CMSS1: variants seen among roughly 807,000 people sequenced by gnomAD.
The protein encoded by CMSS1 is protein CMSS1.
CMSS1 carries 33 observed loss-of-function variants against 43.5 expected under a neutral mutation model. The ratio of observed to expected loss-of-function variants is 0.76; its 90% CI spans 0.57 to 1.01. The LOEUF is 1.01. Ranked by LOEUF, CMSS1 falls within the 50% of genes least tolerant of loss-of-function variation. CMSS1 has a pLI of 0.00. For synonymous variants in CMSS1, 115 were observed against 117.2 expected (o/e 0.98, Z 0.12); for missense variants, 313 against 326.4 (o/e 0.96, Z 0.32).
At chr3:100,094,972 G>A (rs1373504776) in intron 1 of CMSS1, among the ~76,000 whole-genome samples, 3 of 152,234 alleles carry the variant, frequency 2.0e-5, no homozygotes, top group African/African-American at 7.2e-5. Flanking sequence ...ACAGGAGTGA[G>A]CCACTGCGCC....
intron 1 of CMSS1, among the ~76,000 whole-genome samples, chr3:99,967,467 T>C (rs933080431): frequency 1.3e-5 from 2 of 152,160 alleles, no homozygotes; most frequent in Admixed American, 6.5e-5. Context: ...GGAAGAAATA[T>C]GGTACATAGT....
chr3:99,994,333 C>G (rs1004327531), intron 1 of CMSS1, among the ~76,000 whole-genome samples: 1 of 152,060 alleles, frequency 6.6e-6, no homozygotes, highest in Non-Finnish European at 1.5e-5. Flanking sequence ...ATCATCAAGT[C>G]AGAAAAGTAA....
At chr3:99,935,694 C>T (rs996132863) in intron 1 of CMSS1, among the ~76,000 whole-genome samples, 6 of 152,152 alleles carry the variant, frequency 3.9e-5, no homozygotes, top group Admixed American at 2.0e-4. Context: ...CGGGATTTCC[C>T]GCTTTAGAAT....
intron 1 of CMSS1, among the ~76,000 whole-genome samples, chr3:99,865,293 G>A (rs553624853): frequency 6.6e-6 from 1 of 152,178 alleles, no homozygotes; most frequent in African/African-American, 2.4e-5. Flanking sequence ...CAGAATGCCA[G>A]TGTAGTTTTT....
intron 1 of CMSS1, among the ~76,000 whole-genome samples, chr3:100,094,402 G>GTTAC (rs2066165453): frequency 6.6e-6 from 1 of 151,980 alleles, no homozygotes; most frequent in Non-Finnish European, 1.5e-5. Flanking sequence ...CCCTTAACAG[G>GTTAC]ATCTTTCATG....
intron 1 of CMSS1, among the ~76,000 whole-genome samples, chr3:100,052,107 A>G (rs1316479464): frequency 6.6e-6 from 1 of 152,154 alleles, no homozygotes; most frequent in East Asian, 1.9e-4. Context: ...ACTAATGGGC[A>G]TAATTTGTGA....
chr3:100,090,677 C>CT (rs1214250775), intron 1 of CMSS1, among the ~76,000 whole-genome samples: 1 of 152,132 alleles, frequency 6.6e-6, no homozygotes, highest in Non-Finnish European at 1.5e-5. Flanking sequence ...TGAGTCACTC[C>CT]TATCATGAAA....
chr3:100,009,714 T>G (rs892735421), intron 1 of CMSS1, among the ~76,000 whole-genome samples: 1 of 152,224 alleles, frequency 6.6e-6, no homozygotes, highest in Admixed American at 6.5e-5. Context: ...TGGCACCTTT[T>G]TCTTGAGTCA....
At chr3:100,136,044 A>G (rs2066750374) in intron 1 of CMSS1, among the ~76,000 whole-genome samples, 1 of 152,210 alleles carries the variant, frequency 6.6e-6, no homozygotes, top group Non-Finnish European at 1.5e-5. Flanking sequence ...GCCACTAAAA[A>G]TGGCAAAATG....
chr3:100,150,136 C>G (rs928536365), intron 2 of CMSS1, among the ~76,000 whole-genome samples: 1 of 152,196 alleles, frequency 6.6e-6, no homozygotes, highest in Non-Finnish European at 1.5e-5. Context: ...GGATGACTTA[C>G]TTGTCAGGCA....
chr3:99,848,699 G>T (rs764769452), intron 1 of CMSS1: 1 of 1,614,194 alleles, frequency 6.2e-7, no homozygotes, highest in East Asian at 2.2e-5. Flanking sequence ...TCTGGAGTTA[G>T]AGAACCACAA....
At chr3:99,909,211 C>T (rs573055791) in intron 1 of CMSS1, among the ~76,000 whole-genome samples, 1 of 152,252 alleles carries the variant, frequency 6.6e-6, no homozygotes, top group East Asian at 1.9e-4. Context: ...AAGTTCTGGC[C>T]TCTTCTCATA....
chr3:99,928,276 G>C (rs1301260106), intron 1 of CMSS1, among the ~76,000 whole-genome samples: 1 of 152,172 alleles, frequency 6.6e-6, no homozygotes, highest in Non-Finnish European at 1.5e-5. Context: ...CCTAGACCGA[G>C]GAAAAGGATA....
At chr3:100,125,885 G>A (rs936884452) in intron 1 of CMSS1, among the ~76,000 whole-genome samples, 53 of 152,282 alleles carry the variant, frequency 3.5e-4, no homozygotes, top group African/African-American at 1.2e-3. Context: ...CATGAATGCA[G>A]CAAGATGTAC....
At chr3:99,914,042 C>T (rs750366071) in intron 1 of CMSS1, among the ~76,000 whole-genome samples, 4 of 152,226 alleles carry the variant, frequency 2.6e-5, no homozygotes, top group Non-Finnish European at 5.9e-5. Context: ...AATTCTCAAA[C>T]ACTCCAAACT....
chr3:100,133,613 G>C (rs1199640532), intron 1 of CMSS1, among the ~76,000 whole-genome samples: 1 of 152,136 alleles, frequency 6.6e-6, no homozygotes, highest in Non-Finnish European at 1.5e-5. Context: ...ATTTTACTCT[G>C]TCTTGTTTAT....
At chr3:99,933,628 A>G (rs1707562536) in intron 1 of CMSS1, among the ~76,000 whole-genome samples, 1 of 152,226 alleles carries the variant, frequency 6.6e-6, no homozygotes, top group African/African-American at 2.4e-5. Context: ...TCTGGGCTAT[A>G]GAAATAATGG....
chr3:99,938,284 A>T (rs1707753533), intron 1 of CMSS1, among the ~76,000 whole-genome samples: 1 of 152,182 alleles, frequency 6.6e-6, no homozygotes, highest in African/African-American at 2.4e-5. Context: ...ACTATTTTTT[A>T]ATTTGACAGC....
At chr3:100,080,456 C>A (rs1027806847) in intron 1 of CMSS1, among the ~76,000 whole-genome samples, 2 of 152,052 alleles carry the variant, frequency 1.3e-5, no homozygotes, top group African/African-American at 4.8e-5. Context: ...TGGGGAGTAC[C>A]CTAGACAATT....
Sources: gnomAD v4.1 joint callset for allele counts (sites outside exome capture counted in the v4.1 genomes callset) on GRCh38, gnomAD v4.1.1 for gene constraint, MANE v1.5 for transcripts, NCBI Gene and HGNC (gene_info 2026-07-23, HGNC 2026-07-21) for gene names.